Variants in TAFA2 observed in about 807,000 individuals in gnomAD.
The protein encoded by TAFA2 is chemokine-like protein TAFA-2.
Under a neutral mutation model 18.8 loss-of-function variants are expected in TAFA2, and 7 were observed. The ratio of observed to expected loss-of-function variants is 0.37; its 90% confidence interval spans 0.21 to 0.70. The LOEUF is 0.70. Ranked by LOEUF, TAFA2 falls within the 30% of genes least tolerant of loss-of-function variation. TAFA2 has a pLI of 0.53. For synonymous variants in TAFA2, 60 were observed against 54.2 expected, an observed-to-expected ratio of 1.11 and a Z score of -0.47; for missense variants, 122 against 158.1, an observed-to-expected ratio of 0.77 and a Z score of 1.23.
chr12:62,196,592 T>C (rs563504229), upstream of TAFA2, among the ~76,000 whole-genome samples: 2 of 152,144 alleles, frequency 1.3e-5, no homozygotes, highest in Admixed American at 1.3e-4. Context: ...AGCCAGTTGG[T>C]GAAACAGTCA....
intron 4 of TAFA2, among the ~76,000 whole-genome samples, chr12:61,741,788 A>G (rs1868463896): frequency 6.6e-6 from 1 of 152,144 alleles, no homozygotes. Context: ...ATCTAGCACA[A>G]TGTCTGGCAC....
chr12:61,977,922 A>G (rs972358933), intron 1 of TAFA2, among the ~76,000 whole-genome samples: 1 of 152,044 alleles, frequency 6.6e-6, no homozygotes. Context: ...AAGAGAAAAA[A>G]AAAGGAAATC....
At chr12:62,062,151 A>T (rs1283228055) in intron 1 of TAFA2, among the ~76,000 whole-genome samples, 1 of 152,068 alleles carries the variant, frequency 6.6e-6, no homozygotes, top group Non-Finnish European at 1.5e-5. Context: ...TCCAGCCTGG[A>T]TGACAGAGCA....
intron 1 of TAFA2, among the ~76,000 whole-genome samples, chr12:61,973,926 A>C (rs1484614428): frequency 6.6e-6 from 1 of 151,726 alleles, no homozygotes; most frequent in East Asian, 1.9e-4. Context: ...TGTAATACTT[A>C]TTAAAACCAT....
intron 1 of TAFA2, among the ~76,000 whole-genome samples, chr12:61,940,578 A>C (rs851911): frequency 0.04 from 6,158 of 152,280 alleles, 219 homozygotes; most frequent in African/African-American, 0.1. Flanking sequence ...ATAGATTACA[A>C]TGGGCCTCAG....
intron 1 of TAFA2, among the ~76,000 whole-genome samples, chr12:62,112,668 GC>G (rs1869786090): frequency 6.6e-6 from 1 of 152,098 alleles, no homozygotes; most frequent in Admixed American, 6.6e-5. Context: ...TTTCTTGGAG[GC>G]TTTCTTCGTT....
intron 2 of TAFA2, among the ~76,000 whole-genome samples, chr12:61,762,957 G>A (rs999182878): frequency 2.6e-5 from 4 of 152,040 alleles, no homozygotes; most frequent in African/African-American, 4.8e-5. Flanking sequence ...ACTGAAATGC[G>A]AGCTAGTTAG....
chr12:61,977,182 C>T (rs1354708231), intron 1 of TAFA2, among the ~76,000 whole-genome samples: 1 of 151,920 alleles, frequency 6.6e-6, no homozygotes, highest in African/African-American at 2.4e-5. Context: ...TACTTTACTC[C>T]CAAATGAAAG....
chr12:62,169,806 A>C (rs1229920878), intron 1 of TAFA2, among the ~76,000 whole-genome samples: 1 of 148,320 alleles, frequency 6.7e-6, no homozygotes, highest in East Asian at 2.0e-4. Context: ...AGCTGAGATC[A>C]CGCCACTACA....
chr12:61,880,728 G>T, intron 1 of TAFA2: 2 of 373,692 alleles, frequency 5.4e-6, no homozygotes, highest in Admixed American at 3.0e-5. Flanking sequence ...CGAGACCCGC[G>T]ATGGGAAGCT....
intron 1 of TAFA2, among the ~76,000 whole-genome samples, chr12:61,898,467 C>T (rs533792486): frequency 7.2e-5 from 11 of 152,286 alleles, no homozygotes; most frequent in South Asian, 6.2e-4. Context: ...ATACATCCTC[C>T]GAAATCTATG....
At position 62,123,851 on chromosome 12, in the gene TAFA2, T is replaced by G. The variant is rs115501459; in HGVS notation, c.-2+67408A>C. Reference sequence around the variant, plus strand: ...GAGAACTAGTTCTAAACCATCAAAATCGCTCCTGAGATTGGTTCATGAACT... The same window carrying G: ...GAGAACTAGTTCTAAACCATCAAAAGCGCTCCTGAGATTGGTTCATGAACT... On this transcript the variant is annotated intron_variant, in intron 1 of 4. Transcript: ENST00000416284. Among the ~76,000 whole-genome samples the G allele has an allele frequency of 4.6e-3, 682 of 149,374 alleles. 6 individuals carry two copies. The highest frequency in any genetic ancestry group is 0.016 in the African/African-American group (633 of 40,356).
intron 1 of TAFA2, among the ~76,000 whole-genome samples, chr12:61,983,939 T>G (rs1307666385): frequency 6.6e-6 from 1 of 152,160 alleles, no homozygotes; most frequent in Non-Finnish European, 1.5e-5. Context: ...ACTATCACCA[T>G]AGATCACATC....
intron 1 of TAFA2, chr12:62,022,127 T>TTCTGTGTTC: frequency 2.2e-6 from 1 of 460,796 alleles, no homozygotes; most frequent in Non-Finnish European, 4.3e-6. Flanking sequence ...ACCAAGAACA[T>TTCTGTGTTC]TCTGTGTTCT....
rs118063705 is a variant in TAFA2 at position 61,921,002 on chromosome 12, G to A, written c.-1-53576C>T. 1.4e-4 allele frequency among the ~76,000 whole-genome samples: 21 copies of A among 152,248 alleles called. 1 individual carries two copies. The East Asian group carries it at 3.5e-3, about 25-fold the overall frequency. On this transcript the variant is annotated intron_variant, in intron 1 of 4. Transcript: ENST00000416284. ...TGAAAACGCCAAGAGGTTAGAGTGC[G>A]ATTGGTGGGTTCAGAGGCCAGTGTG...
In TAFA2 at chr12:61,972,405, G is replaced by C. The variant is rs17125560; in HGVS notation, c.-1-104979C>G. 3.8e-3 allele frequency among the ~76,000 whole-genome samples: 582 copies of C among 151,390 alleles called. 2 individuals are homozygous for C. Among genetic ancestry groups the C allele is most frequent in the African/African-American group, 0.013 (546 of 41,384 alleles). On this transcript the variant is annotated intron_variant, in intron 1 of 4. Transcript: ENST00000416284. ...GAAGATCCCAAATTAGTTTCTTTAG[G>C]AGATACAACCAAGTGGTGATAACTT...
chr12:62,035,952 G>A (rs1221068260), intron 1 of TAFA2, among the ~76,000 whole-genome samples: 2 of 151,660 alleles, frequency 1.3e-5, no homozygotes, highest in African/African-American at 4.9e-5. Flanking sequence ...GTGTTAGCCA[G>A]GATGGTCTCG....
chr12:62,045,848 G>T (rs1881894525), intron 1 of TAFA2, among the ~76,000 whole-genome samples: 2 of 152,220 alleles, frequency 1.3e-5, no homozygotes, highest in South Asian at 4.1e-4. Flanking sequence ...CAACAGCAAG[G>T]AGGCTACCCT....
At chr12:62,118,033 A>T (rs527790382) in intron 1 of TAFA2, among the ~76,000 whole-genome samples, 1 of 152,222 alleles carries the variant, frequency 6.6e-6, no homozygotes, top group South Asian at 2.1e-4. Context: ...CAAAACAAAT[A>T]TTGGGGCTCT....
Sources: gnomAD v4.1 joint callset for allele counts (sites outside exome capture counted in the v4.1 genomes callset) on GRCh38, gnomAD v4.1.1 for gene constraint, MANE v1.5 for transcripts, NCBI Gene and HGNC (gene_info 2026-07-23, HGNC 2026-07-21) for gene names.